ARRDC1: variants seen among roughly 807,000 people sequenced by gnomAD.
ARRDC1 encodes arrestin domain-containing protein 1.
A neutral mutation model predicts 40.1 loss-of-function variants in ARRDC1; 37 were observed. The ratio of observed to expected loss-of-function variants is 0.92; its 90% confidence interval spans 0.71 to 1.21. The LOEUF (loss-of-function observed/expected upper bound fraction) is 1.21, where lower values mean the gene tolerates loss of function less well. Ranked by LOEUF, ARRDC1 falls within the 50% of genes most tolerant of loss-of-function variation. The pLI, the probability that ARRDC1 is intolerant of heterozygous loss-of-function variation, is 0.00. For missense variants in ARRDC1, 641 were observed against 581.9 expected (o/e 1.10, Z -1.04); for synonymous variants, 310 against 262.5 (o/e 1.18, Z -1.75).
intron 1 of ARRDC1, chr9:137,611,788 AAGGATTGT>A (rs1382552046): frequency 6.6e-6 from 1 of 152,560 alleles, no homozygotes; most frequent in Non-Finnish European, 1.5e-5. Context: ...CGGCTGAGCC[AAGGATTGT>A]GAGAGGAATC....
chr9:137,614,550 C>T lies in ARRDC1; in HGVS notation c.796-9C>T. ...CTGGCCCCTCATGCCCCACCTCAATCCTGTCCAGGTCTCTCTGAAGGCGCC... is the reference window on the plus strand; with the variant it reads ...CTGGCCCCTCATGCCCCACCTCAATTCTGTCCAGGTCTCTCTGAAGGCGCC... On this transcript the variant is annotated splice_polypyrimidine_tract_variant and intron_variant, in intron 6 of 7. Coordinates refer to ENST00000371421, the MANE Select transcript of ARRDC1 (RefSeq NM_152285.4). 6.2e-7 allele frequency: 1 copy of T among 1,613,100 alleles called. No individual in the cohort carries two copies. The highest frequency in any genetic ancestry group is 8.5e-7 in the Non-Finnish European group (1 of 1,179,934).
chr9:137,610,065 C>T (rs1175441070), intron 1 of ARRDC1, among the ~76,000 whole-genome samples: 2 of 151,608 alleles, frequency 1.3e-5, no homozygotes, highest in Non-Finnish European at 1.5e-5. Flanking sequence ...CTGCCCGCCT[C>T]GGCCTCCCAC....
At chr9:137,612,815 C>G (rs555871488) in intron 1 of ARRDC1, 81 bp from the exon 2 acceptor site, 1 of 1,105,758 alleles carries the variant, frequency 9.0e-7, no homozygotes, top group East Asian at 2.5e-5. Flanking sequence ...TGCTTGGCCC[C>G]AGGTCGAATT....
rs1258980066 is a variant in ARRDC1, at chr9:137,614,041, G to A, written c.445G>A (p.Val149Met). ...NSIPDIEQPNVASATKKFSYK... is the reference protein window; with the variant it reads ...NSIPDIEQPNMASATKKFSYK... ...TGGCCCTCCCCCCAAGCAACCCAACGTGGCCTCTGCCACCAAGAAGTTCTC... is the reference window on the plus strand; with the variant it reads ...TGGCCCTCCCCCCAAGCAACCCAACATGGCCTCTGCCACCAAGAAGTTCTC... Residue 149 changes from valine to methionine, a missense_variant, in exon 5 of 8, where the codon GTG (valine) becomes ATG (methionine). Val to Met is a conservative substitution (Grantham distance 21). Coordinates refer to ENST00000371421, the MANE Select transcript of ARRDC1 (RefSeq NM_152285.4). 45 of 1,613,520 alleles carry A rather than the reference G, an allele frequency of 2.8e-5. No homozygotes were observed. Among genetic ancestry groups the A allele is most frequent in the Non-Finnish European group, 3.8e-5 (45 of 1,179,914 alleles).
In ARRDC1 at chr9:137,615,118, A is replaced by G; in HGVS notation, c.1282A>G (p.Ser428Gly). The G allele has an allele frequency of 6.4e-7, 1 of 1,551,030 alleles. No homozygotes were observed. The highest frequency in any genetic ancestry group is 8.7e-7 in the Non-Finnish European group (1 of 1,145,738). The part of the protein sequence containing the change: ...YEQSCGGVEP[S>G]LTPES Reference sequence around the variant, plus strand: ...GCAGAGCTGCGGCGGCGTGGAACCCAGCCTGACCCCTGAGAGCTGACCCCG... The same window carrying G: ...GCAGAGCTGCGGCGGCGTGGAACCCGGCCTGACCCCTGAGAGCTGACCCCG... Residue 428 changes from serine to glycine, a missense_variant, in exon 8 of 8, where the codon AGC (serine) becomes GGC (glycine). By Grantham distance (56) the Ser-to-Gly change is moderately conservative. Coordinates refer to ENST00000371421, the MANE Select transcript of ARRDC1 (RefSeq NM_152285.4).
intron 1 of ARRDC1, among the ~76,000 whole-genome samples, chr9:137,607,917 C>T (rs1842450509): frequency 6.6e-6 from 1 of 152,208 alleles, no homozygotes; most frequent in Non-Finnish European, 1.5e-5. Flanking sequence ...TCAGAGAGGC[C>T]TGCAGCCTCC....
Position 137,613,481 on chromosome 9 carries a change from A to T in ARRDC1, c.251A>T (p.His84Leu), listed in dbSNP as rs945738307. Residue 84 changes from histidine (H) to leucine (L), a missense_variant, in exon 3 of 8, where the codon CAC becomes CTC. Coordinates refer to ENST00000371421, the MANE Select transcript of ARRDC1 (RefSeq NM_152285.4). ...ADKGSLPAGE[H>L]SFPFQFLLPA... ...GCAGGGAGCCTGCCCGCTGGAGAGC[A>T]CAGCTTCCCCTTCCAGTTCCTGCTT... 49 of 1,612,852 alleles carry T rather than the reference A, an allele frequency of 3.0e-5. No homozygotes were observed. The highest frequency in any genetic ancestry group is 4.1e-5 in the Non-Finnish European group (48 of 1,179,864).
chr9:137,615,218 C>G lies in ARRDC1; in HGVS notation c.*80C>G. On this transcript the variant is annotated 3_prime_UTR_variant, in exon 8 of 8. Coordinates refer to ENST00000371421, the MANE Select transcript of ARRDC1 (RefSeq NM_152285.4). ...CAGGGCCTCGTGCCTTCTCTCTTGG[C>G]CTAGCCTGGCCCACTCAGGACCTGC... 7.6e-7 allele frequency: 1 copy of G among 1,315,432 alleles called. No homozygotes were observed. The highest frequency in any genetic ancestry group is 1.0e-6 in the Non-Finnish European group (1 of 989,852). The allele number at this position is 1,315,432 out of a possible 1,614,324, so 81.5% of individuals were successfully genotyped here. A position where few individuals can be genotyped will look rare whatever the true frequency, so the allele number is the denominator to read the frequency against.
chr9:137,607,475 GGGAGCA>G (rs1842443926), intron 1 of ARRDC1, among the ~76,000 whole-genome samples: 1 of 152,240 alleles, frequency 6.6e-6, no homozygotes, highest in African/African-American at 2.4e-5. Context: ...AGGCCTGGGA[GGGAGCA>G]GTTTTCTGGA....
intron 1 of ARRDC1, among the ~76,000 whole-genome samples, chr9:137,606,529 C>T (rs1842426573): frequency 6.6e-6 from 1 of 152,258 alleles, no homozygotes. Context: ...ACCTTGACCG[C>T]TGGGCCCGCG....
Position 137,614,670 on chromosome 9 carries a change from GC to G in ARRDC1, c.911del (p.Pro304HisfsTer46), listed in dbSNP as rs1564504261. 4 of 1,612,386 alleles carry G rather than the reference GC, an allele frequency of 2.5e-6. No individual in the cohort carries two copies. In the South Asian group the frequency reaches 4.4e-5, roughly 18 times the overall value. ...GCCAGGCCTGGGGCTGCCTCCTGGG[GC>G]CCCACCCCTGGTGGTGCCTTCCGCA... ...PRPGLGLPPG[A>X]PPLVVPSAPP... On this transcript the variant is annotated frameshift_variant, in exon 7 of 8. Coordinates refer to ENST00000371421, the MANE Select transcript of ARRDC1 (RefSeq NM_152285.4). LOFTEE classifies it high-confidence loss of function.
At chr9:137,612,818 G>A in intron 1 of ARRDC1, 78 bp from the exon 2 acceptor site, 2 of 1,163,656 alleles carry the variant, frequency 1.7e-6, no homozygotes, top group Non-Finnish European at 2.5e-6. Flanking sequence ...TTGGCCCCAG[G>A]TCGAATTCCT....
chr9:137,605,852 G>A lies in ARRDC1; in HGVS notation c.118+17G>A. ...CGTTCCGAGGTGGGCGCGGGTCCTC[G>A]GGGAGGGCCTTTGGCCGCACCTGCG... On this transcript the variant is annotated intron_variant, in intron 1 of 7. Transcript: ENST00000371421. The A allele has an allele frequency of 1.6e-6, 2 of 1,233,584 alleles. No homozygotes were observed. Among genetic ancestry groups the A allele is most frequent in the Middle Eastern group, 6.4e-4 (2 of 3,148 alleles). 76.4% of individuals were successfully genotyped at this position (1,233,584 alleles called of 1,614,324 possible). A position where few individuals can be genotyped will look rare whatever the true frequency, so the allele number is the denominator to read the frequency against.
chr9:137,607,480 C>T (rs1842444043), intron 1 of ARRDC1, among the ~76,000 whole-genome samples: 1 of 152,190 alleles, frequency 6.6e-6, no homozygotes, highest in Admixed American at 6.5e-5. Flanking sequence ...TGGGAGGGAG[C>T]AGTTTTCTGG....
rs2133322207 is a variant in ARRDC1 at position 137,605,842 on chromosome 9, G to C, written c.118+7G>C. The C allele has an allele frequency of 1.6e-6, 2 of 1,244,854 alleles. No individual in the cohort carries two copies. The highest frequency in any genetic ancestry group is 6.6e-5 in the East Asian group (2 of 30,440). The allele number at this position is 1,244,854 out of a possible 1,614,324, so 77.1% of individuals were successfully genotyped here. A position where few individuals can be genotyped will look rare whatever the true frequency, so the allele number is the denominator to read the frequency against. On this transcript the variant is annotated splice_region_variant and intron_variant, in intron 1 of 7. Coordinates refer to ENST00000371421, the MANE Select transcript of ARRDC1 (RefSeq NM_152285.4). ...GCACCGCTGCCGTTCCGAGGTGGGC[G>C]CGGGTCCTCGGGGAGGGCCTTTGGC... is the stretch of plus-strand genomic sequence containing the variant.
At chr9:137,611,177 C>T (rs2133334068) in intron 1 of ARRDC1, among the ~76,000 whole-genome samples, 1 of 152,312 alleles carries the variant, frequency 6.6e-6, no homozygotes, top group South Asian at 2.1e-4. Context: ...AGGAGGATTA[C>T]TGGTGTTCCG....
intron 1 of ARRDC1, among the ~76,000 whole-genome samples, chr9:137,610,969 T>C (rs1842505310): frequency 6.6e-6 from 1 of 152,176 alleles, no homozygotes; most frequent in Non-Finnish European, 1.5e-5. Flanking sequence ...AGTGCTGGGA[T>C]TACAGGTGTG....
chr9:137,611,589 A>C lies in ARRDC1; in HGVS notation c.119-1307A>C, dbSNP rs76579999. 4.8e-3 allele frequency: 742 copies of C among 153,232 alleles called. 18 individuals are homozygous for C. In the East Asian group the frequency reaches 0.09, roughly 19 times the overall value. 9.5% of individuals were successfully genotyped at this position (153,232 alleles called of 1,614,324 possible). A position where few individuals can be genotyped will look rare whatever the true frequency, so the allele number is the denominator to read the frequency against. On this transcript the variant is annotated intron_variant, in intron 1 of 7. Transcript: ENST00000371421. ...ACAACAACAACAACAACAACAACAA[A>C]AAAACAAAAAATGGACCGAGGTTGG...
At chr9:137,610,834 A>C (rs1842502930) in intron 1 of ARRDC1, among the ~76,000 whole-genome samples, 1 of 152,208 alleles carries the variant, frequency 6.6e-6, no homozygotes, top group Admixed American at 6.5e-5. Flanking sequence ...AAGTGCTGGG[A>C]TTACAGGCAT....
Sources: gnomAD v4.1 joint callset for allele counts (sites outside exome capture counted in the v4.1 genomes callset) on GRCh38, gnomAD v4.1.1 for gene constraint, MANE v1.5 for transcripts, NCBI Gene and HGNC (gene_info 2026-07-23, HGNC 2026-07-21) for gene names.